The following PCDHGB2 variants were observed in gnomAD, a reference collection of about 807,000 sequenced individuals.
PCDHGB2 encodes protocadherin gamma-B2.
Under a neutral mutation model 59.3 loss-of-function variants are expected in PCDHGB2, and 55 were observed. The ratio of observed to expected loss-of-function variants is 0.93; its 90% CI spans 0.75 to 1.16. PCDHGB2 has a LOEUF of 1.16. PCDHGB2 is among the 50% of genes most tolerant of loss of function. PCDHGB2 has a pLI of 0.00. For synonymous variants in PCDHGB2, 516 were observed against 512.0 expected, an observed-to-expected ratio of 1.01 and a Z score of -0.11; for missense variants, 1,228 against 1,198.5, an observed-to-expected ratio of 1.02 and a Z score of -0.36.
chr5:141,487,435 A>G lies in PCDHGB2; in HGVS notation c.2422-7372A>G, dbSNP rs776328527. On this transcript the variant is annotated intron_variant, in intron 1 of 3. Transcript: ENST00000522605. The surrounding 1 kb of genome is among the most constrained non-coding windows in gnomAD (Gnocchi z 5.0). ...CCAATGGGATCCTCCGAATCCAGCT[A>G]GGGTCAGATGACCCTATCAAGTTTG... 3.7e-6 allele frequency: 6 copies of G among 1,614,164 alleles called. No individual in the cohort carries two copies. In the South Asian group the frequency reaches 6.6e-5, roughly 18 times the overall value.
At chr5:141,427,416 G>T (rs1457696807) in intron 1 of PCDHGB2, 2 of 466,124 alleles carry the variant, frequency 4.3e-6, no homozygotes, top group South Asian at 3.1e-5. Flanking sequence ...GAGAGAAAAT[G>T]GGGAGGTTAC....
chr5:141,382,810 C>T, intron 1 of PCDHGB2: 3 of 1,162,786 alleles, frequency 2.6e-6, no homozygotes, highest in Non-Finnish European at 3.7e-6. Context: ...TCTGAGCTCC[C>T]CTTCCTAAGA....
At chr5:141,403,774 C>A (rs1350465491) in intron 1 of PCDHGB2, 1 of 1,613,786 alleles carries the variant, frequency 6.2e-7, no homozygotes, top group Non-Finnish European at 8.5e-7. Context: ...AGGGAATCAA[C>A]GGAAAAGTGG....
rs371079504 is a variant in PCDHGB2, at chr5:141,422,041, G to C, written c.2421+59485G>C. 9 of 1,611,514 alleles carry C rather than the reference G, an allele frequency of 5.6e-6. No homozygotes were observed. The highest frequency in any genetic ancestry group is 5.9e-6 in the Non-Finnish European group (7 of 1,179,230). On this transcript the variant is annotated intron_variant, in intron 1 of 3. Transcript: ENST00000522605. ...GATGGTTAATGCAACGGATCCAGAC[G>C]AGGGAATCAACGGGGAAGTAATGTA...
chr5:141,412,209 T>G (rs917646798), intron 1 of PCDHGB2: 2 of 152,248 alleles, frequency 1.3e-5, no homozygotes. Flanking sequence ...TCATTTGACA[T>G]AAACACTTAC....
intron 1 of PCDHGB2, chr5:141,409,996 G>A (rs1561724976): frequency 6.2e-7 from 1 of 1,613,132 alleles, no homozygotes; most frequent in Non-Finnish European, 8.5e-7. Context: ...ACGCCGACTC[G>A]GGACACAACG....
intron 1 of PCDHGB2, among the ~76,000 whole-genome samples, chr5:141,370,010 T>A (rs1325355528): frequency 6.6e-6 from 1 of 152,172 alleles, no homozygotes; most frequent in African/African-American, 2.4e-5. Context: ...TTAAAAGAAA[T>A]AACAGACTAA....
At position 141,486,266 on chromosome 5, in the gene PCDHGB2, C is replaced by A; in HGVS notation, c.2422-8541C>A. On this transcript the variant is annotated intron_variant, in intron 1 of 3. Coordinates refer to ENST00000522605, the MANE Select transcript of PCDHGB2 (RefSeq NM_018923.3). The surrounding 1 kb of genome is among the most constrained non-coding windows in gnomAD (Gnocchi z 5.0). ...TGGAACCCTCCCCGAGAGTGCAGAA[C>A]CTGGCACTGTGGTGGCACTTATCAG... The A allele has an allele frequency of 1.9e-6, 3 of 1,614,098 alleles. No homozygotes were observed. Among genetic ancestry groups the A allele is most frequent in the Admixed American group, 3.3e-5 (2 of 60,016 alleles).
chr5:141,371,213 C>A, intron 1 of PCDHGB2: 1 of 1,614,002 alleles, frequency 6.2e-7, no homozygotes, highest in Non-Finnish European at 8.5e-7. Flanking sequence ...ATGAGGGCAT[C>A]AATGCCGAAA....
chr5:141,503,825 CA>C (rs2154593417), intron 2 of PCDHGB2, among the ~76,000 whole-genome samples: 1 of 152,186 alleles, frequency 6.6e-6, no homozygotes, highest in Non-Finnish European at 1.5e-5. Flanking sequence ...TGGGCAAAAC[CA>C]AAAGCAGGGA....
intron 1 of PCDHGB2, 143 bp from the exon 2 acceptor site, chr5:141,494,664 A>T: frequency 6.7e-7 from 1 of 1,500,298 alleles, no homozygotes; most frequent in Non-Finnish European, 8.9e-7. Flanking sequence ...GTCTTTGGAG[A>T]TGAGTCCACC....
chr5:141,490,345 G>GT lies in PCDHGB2; in HGVS notation c.2422-4461dup, dbSNP rs1363310763. The GT allele has an allele frequency of 6.2e-7, 1 of 1,614,216 alleles. No individual in the cohort carries two copies. The highest frequency in any genetic ancestry group is 2.2e-5 in the East Asian group (1 of 44,886). ...AGAGAGCACACCAGTGGGCACAGTAGTGGGGTTGTTTAATGTGCGAGACCG... is the reference window on the plus strand; with the variant it reads ...AGAGAGCACACCAGTGGGCACAGTAGTTGGGGTTGTTTAATGTGCGAGACCG... On this transcript the variant is annotated intron_variant, in intron 1 of 3. Transcript: ENST00000522605. This position sits in a 1 kb window ranked among gnomAD's most constrained non-coding sequence, Gnocchi z 5.4.
chr5:141,388,394 C>G lies in PCDHGB2; in HGVS notation c.2421+25838C>G, dbSNP rs371227077. 5 of 1,613,846 alleles carry G rather than the reference C, an allele frequency of 3.1e-6. No individual in the cohort carries two copies. In the African/African-American group the frequency reaches 4.0e-5, roughly 13 times the overall value. ...TTGGTAGCAACACACTGCAGAATTA[C>G]CAACTCAGTCCCAGTGATCATTTCT... On this transcript the variant is annotated intron_variant, in intron 1 of 3. Coordinates refer to ENST00000522605, the MANE Select transcript of PCDHGB2 (RefSeq NM_018923.3).
chr5:141,486,011 T>C lies in PCDHGB2; in HGVS notation c.2422-8796T>C. The C allele has an allele frequency of 6.2e-7, 1 of 1,614,188 alleles. No individual in the cohort carries two copies. Among genetic ancestry groups the C allele is most frequent in the Non-Finnish European group, 8.5e-7 (1 of 1,180,014 alleles). ...GGGTCCCAGTGGTAACGTCACCTTTTATTTCAGTGGTCATACCCCTGATCG... is the reference window on the plus strand; with the variant it reads ...GGGTCCCAGTGGTAACGTCACCTTTCATTTCAGTGGTCATACCCCTGATCG... On this transcript the variant is annotated intron_variant, in intron 1 of 3. Coordinates refer to ENST00000522605, the MANE Select transcript of PCDHGB2 (RefSeq NM_018923.3). This position sits in a 1 kb window ranked among gnomAD's most constrained non-coding sequence, Gnocchi z 5.0.
intron 1 of PCDHGB2, among the ~76,000 whole-genome samples, chr5:141,381,931 G>A (rs1032910832): frequency 6.3e-5 from 9 of 143,684 alleles, no homozygotes; most frequent in African/African-American, 2.3e-4. Context: ...CCGGGTTCAA[G>A]CGATTTTCCT....
At position 141,361,457 on chromosome 5, in the gene PCDHGB2, A is replaced by G; in HGVS notation, c.1322A>G (p.His441Arg). 1 of 1,614,036 alleles carries G rather than the reference A, an allele frequency of 6.2e-7. No individual in the cohort carries two copies. The highest frequency in any genetic ancestry group is 8.5e-7 in the Non-Finnish European group (1 of 1,179,890). Residue 441 changes from histidine (H) to arginine (R), a missense_variant, in exon 1 of 4, where the codon CAC becomes CGC. His to Arg is a conservative substitution (Grantham distance 29, BLOSUM62 0). Around this residue, in one of 3 missense-constraint regions of PCDHGB2, gnomAD observed 781 missense variants for 721.6 expected, o/e 1.08. Transcript: ENST00000522605. Reference sequence around the variant, plus strand: ...TCCTCCAGCATAATTGTCACCCTGCACATCTCCGACGTCAACGATAATGCC... The same window carrying G: ...TCCTCCAGCATAATTGTCACCCTGCGCATCTCCGACGTCAACGATAATGCC... ...PLSSSIIVTL[H>R]ISDVNDNAPV... is the part of the protein sequence containing the mutation.
intron 2 of PCDHGB2, among the ~76,000 whole-genome samples, chr5:141,503,608 AAAAAAAG>A (rs1483073868): frequency 3.3e-5 from 5 of 151,876 alleles, no homozygotes; most frequent in South Asian, 2.1e-4. Context: ...CAAAAAAAAA[AAAAAAAG>A]AAAAAAGAAA....
At chr5:141,395,207 T>C (rs1589256269) in intron 1 of PCDHGB2, 6 of 1,613,702 alleles carry the variant, frequency 3.7e-6, no homozygotes, top group Non-Finnish European at 5.1e-6. Context: ...TAGATTTTCA[T>C]GAATATAAGA....
intron 1 of PCDHGB2, among the ~76,000 whole-genome samples, chr5:141,386,366 C>A (rs2090545743): frequency 6.6e-6 from 1 of 151,962 alleles, no homozygotes; most frequent in Non-Finnish European, 1.5e-5. Context: ...ATTCCAGAGA[C>A]CTTTGAGTAT....
Sources: gnomAD v4.1 joint callset for allele counts (sites outside exome capture counted in the v4.1 genomes callset) on GRCh38, gnomAD v4.1.1 for gene constraint, gnomAD v4.1.1 regional missense constraint, Gnocchi (gnomAD v3.1) non-coding constraint, MANE v1.5 for transcripts, NCBI Gene and HGNC (gene_info 2026-07-23, HGNC 2026-07-21) for gene names.